The following CMIP variants were observed in gnomAD, a reference collection of about 807,000 sequenced individuals.
CMIP encodes the protein C-Maf-inducing protein.
CMIP carries 13 observed loss-of-function variants against 97.3 expected under a neutral mutation model. The observed-to-expected ratio is 0.13, with a 90% confidence interval of 0.09 to 0.21. The LOEUF is 0.21. Among genes scored for constraint, CMIP ranks in the 10% least tolerant of loss-of-function variants. The pLI is 1.00. For missense variants in CMIP, 847 were observed against 1,024.9 expected (o/e 0.83, Z 2.37); for synonymous variants, 538 against 436.3 (o/e 1.23, Z -2.91).
At chr16:81,578,364 G>C (rs976540799) in intron 1 of CMIP, among the ~76,000 whole-genome samples, 3 of 152,244 alleles carry the variant, frequency 2.0e-5, no homozygotes, top group South Asian at 4.1e-4. Context: ...TTGTCATAAA[G>C]AGTACAGAGT....
chr16:81,568,748 C>T (rs530115693), intron 1 of CMIP, among the ~76,000 whole-genome samples: 22 of 152,326 alleles, frequency 1.4e-4, no homozygotes, highest in Non-Finnish European at 3.1e-4. Context: ...GAGTTGGCTC[C>T]ATAACAAAGT....
At chr16:81,476,037 C>T in intron 1 of CMIP, 1 of 696,312 alleles carries the variant, frequency 1.4e-6, no homozygotes, top group Admixed American at 1.9e-5. Context: ...TCAAGTTGTC[C>T]ACAGTTAGCA....
At chr16:81,540,854 G>A (rs1451579358) in intron 1 of CMIP, among the ~76,000 whole-genome samples, 1 of 151,932 alleles carries the variant, frequency 6.6e-6, no homozygotes, top group Non-Finnish European at 1.5e-5. Context: ...CTAATTTTTT[G>A]TATTTTTAGT....
At chr16:81,668,135 C>G (rs1280472430) in intron 7 of CMIP, among the ~76,000 whole-genome samples, 3 of 152,072 alleles carry the variant, frequency 2.0e-5, no homozygotes, top group Non-Finnish European at 4.4e-5. Flanking sequence ...GCTTGAAGTC[C>G]TGATGCAGGC....
Position 81,648,784 on chromosome 16 carries a change from GAAAAAAAAAAAAAAAAAAAAAAA to G in CMIP, c.478-3405_478-3383del, listed in dbSNP as rs6145916. 3.0e-4 allele frequency among the ~76,000 whole-genome samples: 23 copies of G among 75,736 alleles called. 1 individual carries two copies. Among genetic ancestry groups the G allele is most frequent in the African/African-American group, 1.2e-3 (20 of 16,598 alleles). The allele number at this position is 75,736 out of a possible 152,430, so 49.7% of individuals were successfully genotyped here. ...AGTGACAGAGCAAGACTCTGTCTCA[GAAAAAAAAAAAAAAAAAAAAAAA>G]AAAAAAAAAAAAAGCCCTGAAGAGT... On this transcript the variant is annotated intron_variant, in intron 3 of 20. Transcript: ENST00000537098.
chr16:81,598,115 G>C (rs187354991), intron 1 of CMIP, among the ~76,000 whole-genome samples: 99 of 152,274 alleles, frequency 6.5e-4, no homozygotes, highest in African/African-American at 2.2e-3. Flanking sequence ...AGGCTGGCTG[G>C]GAGGATGAAT....
chr16:81,459,050 ATCACCATCACTG>A (rs1413420298), intron 1 of CMIP, among the ~76,000 whole-genome samples: 11 of 143,544 alleles, frequency 7.7e-5, no homozygotes, highest in African/African-American at 2.8e-4. Flanking sequence ...CACCATCACC[ATCACCATCACTG>A]TCACCGTCAC....
chr16:81,638,246 C>T (rs1597178176), intron 3 of CMIP, among the ~76,000 whole-genome samples: 4 of 152,152 alleles, frequency 2.6e-5, no homozygotes, highest in Admixed American at 1.3e-4. Context: ...TCTCAAGATC[C>T]CAAACGTGGG....
At chr16:81,494,483 C>T (rs1486218774) in intron 1 of CMIP, among the ~76,000 whole-genome samples, 7 of 152,166 alleles carry the variant, frequency 4.6e-5, no homozygotes, top group South Asian at 4.1e-4. Context: ...TCTCCAGGGA[C>T]GGCCAGACAG....
At chr16:81,708,601 G>A (rs528589302) in intron 20 of CMIP, among the ~76,000 whole-genome samples, 66 of 152,310 alleles carry the variant, frequency 4.3e-4, no homozygotes, top group East Asian at 3.5e-3. Flanking sequence ...GAGGGGACTC[G>A]AGCAAACAGC....
chr16:81,655,057 T>A lies in CMIP; in HGVS notation c.639+2693T>A, dbSNP rs2092467840. ...ATGCGATCCTCTCATATGCATAAAG[T>A]GCTTGGCACTGTGCCTAACTTGCAA... is the stretch of plus-strand genomic sequence containing the variant. On this transcript the variant is annotated intron_variant, in intron 4 of 20. Coordinates refer to ENST00000537098, the MANE Select transcript of CMIP (RefSeq NM_198390.3). This position sits in a 1 kb window ranked among gnomAD's most constrained non-coding sequence, Gnocchi z 4.9. 6.6e-6 allele frequency among the ~76,000 whole-genome samples: 1 copy of A among 152,190 alleles called. No homozygotes were observed. The highest frequency in any genetic ancestry group is 2.4e-5 in the African/African-American group (1 of 41,448).
rs1356920334 is a variant in CMIP at position 81,609,715 on chromosome 16, G to A, written c.426+2023G>A. Reference sequence around the variant, plus strand: ...TAGAGGGATGAGTAGAAGTGTGCCAGAATGGTGGGGTGGGGGCACACTCCC... The same window carrying A: ...TAGAGGGATGAGTAGAAGTGTGCCAAAATGGTGGGGTGGGGGCACACTCCC... On this transcript the variant is annotated intron_variant, in intron 2 of 20. Transcript: ENST00000537098. Among the ~76,000 whole-genome samples, 6 of 152,352 alleles carry A rather than the reference G, an allele frequency of 3.9e-5. No homozygotes were observed. The East Asian group carries it at 9.6e-4, about 25-fold the overall frequency.
intron 1 of CMIP, among the ~76,000 whole-genome samples, chr16:81,511,660 A>G (rs1297299961): frequency 6.8e-6 from 1 of 147,132 alleles, no homozygotes; most frequent in African/African-American, 2.4e-5. Context: ...TCCCAGGCTC[A>G]GATGATCCTC....
intron 1 of CMIP, among the ~76,000 whole-genome samples, chr16:81,467,941 C>G (rs1298400923): frequency 1.4e-5 from 2 of 143,966 alleles, no homozygotes; most frequent in South Asian, 4.4e-4. Context: ...GGCTGGAGTA[C>G]GGTGATGAAA....
At chr16:81,629,792 G>T (rs187979446) in intron 3 of CMIP, among the ~76,000 whole-genome samples, 2 of 152,240 alleles carry the variant, frequency 1.3e-5, no homozygotes, top group Non-Finnish European at 2.9e-5. Context: ...AGAATCGTCC[G>T]TGAAGAGGCT....
intron 5 of CMIP, among the ~76,000 whole-genome samples, chr16:81,658,191 C>G (rs2092506749): frequency 6.6e-6 from 1 of 152,226 alleles, no homozygotes; most frequent in Admixed American, 6.5e-5. Context: ...ACATGTCTCC[C>G]AATTAATCCA....
At chr16:81,633,935 A>G (rs958702683) in intron 3 of CMIP, among the ~76,000 whole-genome samples, 1 of 152,218 alleles carries the variant, frequency 6.6e-6, no homozygotes, top group African/African-American at 2.4e-5. Flanking sequence ...GACTTTTGTT[A>G]AAGTCTGCAA....
At chr16:81,658,596 A>C (rs915168011) in intron 5 of CMIP, among the ~76,000 whole-genome samples, 5 of 152,244 alleles carry the variant, frequency 3.3e-5, no homozygotes, top group Admixed American at 2.0e-4. Flanking sequence ...TCCAGGTGGC[A>C]AAACGGGATA....
Position 81,678,585 on chromosome 16 carries a change from G to C in CMIP, c.1345G>C (p.Ala449Pro). The change falls in exon 10 of 21, where the codon GCC becomes CCC. Residue 449 changes from alanine to proline, a missense_variant. Physicochemically the swap from Ala to Pro is conservative, Grantham distance 27. Transcript: ENST00000537098. Reference protein sequence around the residue: ...STMSIELGPQADRTLGCYVEI... With the variant: ...STMSIELGPQPDRTLGCYVEI... ...CATGAGCATCGAGCTGGGCCCCCAG[G>C]CCGACCGCACGCTCGGCTGCTACGT... The C allele has an allele frequency of 6.2e-7, 1 of 1,604,204 alleles. No individual in the cohort carries two copies. Among genetic ancestry groups the C allele is most frequent in the Non-Finnish European group, 8.5e-7 (1 of 1,175,426 alleles).
Sources: gnomAD v4.1 joint callset for allele counts (sites outside exome capture counted in the v4.1 genomes callset) on GRCh38, gnomAD v4.1.1 for gene constraint, Gnocchi (gnomAD v3.1) non-coding constraint, MANE v1.5 for transcripts, NCBI Gene and HGNC (gene_info 2026-07-23, HGNC 2026-07-21) for gene names.